CSNK1G1: variants seen among roughly 807,000 people sequenced by gnomAD.
The protein encoded by CSNK1G1 is casein kinase I isoform gamma-1.
A neutral mutation model predicts 59.6 loss-of-function variants in CSNK1G1; 22 were observed. That is an observed-to-expected ratio of 0.37 (90% CI 0.26 to 0.53). The LOEUF (loss-of-function observed/expected upper bound fraction) is 0.53, where lower values mean the gene tolerates loss of function less well. CSNK1G1 is among the 20% of genes least tolerant of loss of function. The probability of loss-of-function intolerance (pLI) is 0.89; values close to 1 mark genes in which losing one functional copy is unlikely to be tolerated. For missense variants in CSNK1G1, 384 were observed against 519.5 expected (o/e 0.74, Z 2.54); for synonymous variants, 179 against 177.1 (o/e 1.01, Z -0.08).
At chr15:64,326,308 G>C (rs566728982) in intron 1 of CSNK1G1, among the ~76,000 whole-genome samples, 1 of 152,148 alleles carries the variant, frequency 6.6e-6, no homozygotes, top group Non-Finnish European at 1.5e-5. Context: ...TTATAAGTGT[G>C]AGCCACCATG....
At chr15:64,224,420 G>A (rs963604569) in intron 4 of CSNK1G1, among the ~76,000 whole-genome samples, 2 of 152,052 alleles carry the variant, frequency 1.3e-5, no homozygotes, top group Non-Finnish European at 1.5e-5. Flanking sequence ...TGTAAGTAAC[G>A]AAAGGGAAAA....
intron 2 of CSNK1G1, among the ~76,000 whole-genome samples, chr15:64,275,966 C>A (rs1893589602): frequency 6.6e-6 from 1 of 152,122 alleles, no homozygotes; most frequent in Admixed American, 6.6e-5. Context: ...AAAAGCTGGT[C>A]AGTGGCTGGA....
intron 4 of CSNK1G1, among the ~76,000 whole-genome samples, chr15:64,222,673 TAAA>T (rs779834417): frequency 7.4e-6 from 1 of 134,470 alleles, no homozygotes. Context: ...CTTTAAAACT[TAAA>T]AAAAAAAAAA....
chr15:64,229,395 G>C (rs2082509369), intron 4 of CSNK1G1, among the ~76,000 whole-genome samples: 2 of 152,188 alleles, frequency 1.3e-5, no homozygotes, highest in African/African-American at 4.8e-5. Flanking sequence ...CAATTACTCA[G>C]AATACTCTAT....
chr15:64,303,037 G>T (rs1895449540), intron 1 of CSNK1G1, among the ~76,000 whole-genome samples: 1 of 151,910 alleles, frequency 6.6e-6, no homozygotes, highest in Non-Finnish European at 1.5e-5. Context: ...TTACATGTAT[G>T]TATTAGAAGA....
chr15:64,180,725 A>C (rs1226797023), intron 10 of CSNK1G1, among the ~76,000 whole-genome samples: 1 of 152,232 alleles, frequency 6.6e-6, no homozygotes, highest in East Asian at 1.9e-4. Flanking sequence ...TCCTTACAAA[A>C]ATCTTATGAA....
intron 2 of CSNK1G1, among the ~76,000 whole-genome samples, chr15:64,279,981 A>C (rs117534074): frequency 0.046 from 7,017 of 151,950 alleles, 202 homozygotes; most frequent in South Asian, 0.085. Context: ...CAAAAAAAAA[A>C]AAAACAAAAC....
chr15:64,271,329 C>T (rs549462635), intron 2 of CSNK1G1, among the ~76,000 whole-genome samples: 4 of 151,698 alleles, frequency 2.6e-5, no homozygotes, highest in East Asian at 1.9e-4. Context: ...ACTCTGTCAC[C>T]GAGGCTGGAC....
intron 10 of CSNK1G1, chr15:64,181,350 A>T: frequency 6.5e-7 from 1 of 1,536,046 alleles, no homozygotes; most frequent in Non-Finnish European, 8.7e-7. Context: ...CCAGCACATT[A>T]TTCCTGTTTA....
intron 4 of CSNK1G1, among the ~76,000 whole-genome samples, chr15:64,242,826 T>C (rs1891543303): frequency 6.6e-6 from 1 of 152,132 alleles, no homozygotes; most frequent in East Asian, 1.9e-4. Context: ...GATGCAAAAA[T>C]TCTTAACAAA....
intron 2 of CSNK1G1, among the ~76,000 whole-genome samples, chr15:64,278,164 G>A (rs906803213): frequency 6.6e-5 from 10 of 150,508 alleles, no homozygotes; most frequent in Admixed American, 4.0e-4. Context: ...CTCCCACCTC[G>A]GCCTCCCGAG....
chr15:64,272,240 G>T (rs1319343293), intron 2 of CSNK1G1, among the ~76,000 whole-genome samples: 1 of 151,456 alleles, frequency 6.6e-6, no homozygotes, highest in Non-Finnish European at 1.5e-5. Context: ...TTTTGAGATG[G>T]AGTCTTGCTC....
intron 4 of CSNK1G1, among the ~76,000 whole-genome samples, chr15:64,227,581 C>T (rs2082479862): frequency 6.6e-6 from 1 of 152,194 alleles, no homozygotes; most frequent in South Asian, 2.1e-4. Context: ...CCAGTAACTT[C>T]TTCCTACCCT....
chr15:64,319,917 CTTTTTTTTTTT>C lies in CSNK1G1; in HGVS notation c.-224-19205_-224-19195del, dbSNP rs148166902. ...AAATGACTGCCTAAGTAGATCAGGG[CTTTTTTTTTTT>C]TTTTTTTTTTTTTGAGACAGGGTCT... is the stretch of plus-strand genomic sequence containing the variant. On this transcript the variant is annotated intron_variant, in intron 1 of 11. Transcript: ENST00000303052. Among the ~76,000 whole-genome samples, 6 of 65,948 alleles carry C rather than the reference CTTTTTTTTTTT, an allele frequency of 9.1e-5. No individual in the cohort carries two copies. The East Asian group carries it at 3.2e-3, about 36-fold the overall frequency. 43.3% of individuals were successfully genotyped at this position (65,948 alleles called of 152,430 possible). A position where few individuals can be genotyped will look rare whatever the true frequency, so the allele number is the denominator to read the frequency against.
In CSNK1G1 at chr15:64,229,902, ATTT is replaced by A. The variant is rs533868270; in HGVS notation, c.293-13192_293-13190del. On this transcript the variant is annotated intron_variant, in intron 4 of 11. Transcript: ENST00000303052. ...CCTATATTTTTGGGCATGTTTGTAAATTTTTTTTTTTTTTTTTTTTTTTTTTTT... is the reference window on the plus strand; with the variant it reads ...CCTATATTTTTGGGCATGTTTGTAAATTTTTTTTTTTTTTTTTTTTTTTTT... Among the ~76,000 whole-genome samples, 200 of 43,732 alleles carry A rather than the reference ATTT, an allele frequency of 4.6e-3. 1 individual carries two copies. Among genetic ancestry groups the A allele is most frequent in the East Asian group, 0.012 (11 of 934 alleles). The allele number at this position is 43,732 out of a possible 152,430, so 28.7% of individuals were successfully genotyped here.
intron 1 of CSNK1G1, among the ~76,000 whole-genome samples, chr15:64,348,938 C>T (rs1367720630): frequency 6.6e-6 from 1 of 151,966 alleles, no homozygotes; most frequent in East Asian, 1.9e-4. Flanking sequence ...TCGAGACCAG[C>T]CTGGCCAACG....
chr15:64,186,345 T>C (rs1596062563), intron 10 of CSNK1G1, among the ~76,000 whole-genome samples: 2 of 152,150 alleles, frequency 1.3e-5, no homozygotes, highest in Admixed American at 1.3e-4. Flanking sequence ...ACTCCTGACC[T>C]TGTGATCTGC....
chr15:64,318,727 C>T (rs562249592), intron 1 of CSNK1G1, among the ~76,000 whole-genome samples: 2 of 152,020 alleles, frequency 1.3e-5, no homozygotes, highest in Admixed American at 1.3e-4. Context: ...TCTCCTGCCT[C>T]AGCCTCCCAA....
intron 2 of CSNK1G1, among the ~76,000 whole-genome samples, chr15:64,259,549 C>A (rs79013320): frequency 0.011 from 1,711 of 150,926 alleles, 36 homozygotes; most frequent in African/African-American, 0.039. Context: ...TATTTCCCAA[C>A]TATTAAGCCA....
Sources: gnomAD v4.1 joint callset for allele counts (sites outside exome capture counted in the v4.1 genomes callset) on GRCh38, gnomAD v4.1.1 for gene constraint, MANE v1.5 for transcripts, NCBI Gene and HGNC (gene_info 2026-07-23, HGNC 2026-07-21) for gene names.